Variants in COL9A1 observed in about 807,000 individuals in gnomAD.
COL9A1 encodes collagen alpha-1(IX) chain.
COL9A1 carries 104 observed loss-of-function variants against 142.6 expected under a neutral mutation model. That is an observed-to-expected ratio of 0.73 (90% CI 0.62 to 0.86). COL9A1 has a LOEUF of 0.86. Ranked by LOEUF, COL9A1 falls within the 40% of genes least tolerant of loss-of-function variation. The probability of loss-of-function intolerance (pLI) is 0.00; values close to 1 mark genes in which losing one functional copy is unlikely to be tolerated. For synonymous variants in COL9A1, 466 were observed against 396.0 expected, an observed-to-expected ratio of 1.18 and a Z score of -2.10; for missense variants, 1,210 against 1,176.6, an observed-to-expected ratio of 1.03 and a Z score of -0.42.
chr6:70,265,877 T>C (rs1771978057), intron 18 of COL9A1, among the ~76,000 whole-genome samples: 1 of 152,178 alleles, frequency 6.6e-6, no homozygotes, highest in Non-Finnish European at 1.5e-5. Flanking sequence ...AAGACACTGA[T>C]AAATTGCCTC....
chr6:70,297,107 A>G (rs929120305), intron 4 of COL9A1, among the ~76,000 whole-genome samples: 3 of 152,138 alleles, frequency 2.0e-5, no homozygotes, highest in Admixed American at 1.3e-4. Flanking sequence ...TGTTTCATTC[A>G]ATCTTTCCCA....
intron 18 of COL9A1, 61 bp downstream of exon 18, chr6:70,266,656 T>C (rs1772036445): frequency 7.9e-7 from 1 of 1,271,500 alleles, no homozygotes; most frequent in African/African-American, 1.5e-5. Flanking sequence ...TAATTTCTTA[T>C]AATGAAAGTG....
At chr6:70,218,795 C>T (rs998822529) in intron 37 of COL9A1, among the ~76,000 whole-genome samples, 2 of 152,054 alleles carry the variant, frequency 1.3e-5, no homozygotes, top group African/African-American at 4.8e-5. Flanking sequence ...CTTTACATAA[C>T]ATCTCATTCT....
At chr6:70,270,101 T>A (rs1458797664) in intron 15 of COL9A1, among the ~76,000 whole-genome samples, 1 of 152,226 alleles carries the variant, frequency 6.6e-6, no homozygotes, top group Admixed American at 6.5e-5. Context: ...ATGAGTAAGA[T>A]ATACCCTATA....
intron 10 of COL9A1, chr6:70,280,301 G>A (rs945369470): frequency 3.9e-5 from 48 of 1,223,980 alleles, no homozygotes; most frequent in Non-Finnish European, 4.9e-5. Context: ...CACTTCAAGT[G>A]CATCTTTCTT....
Position 70,300,051 on chromosome 6 carries a change from A to G in COL9A1, c.291T>C (p.Ile97=). The change falls in exon 4 of 38, where the codon ATT becomes ATC. Residue 97 remains isoleucine (I), a synonymous_variant. Coordinates refer to ENST00000357250, the MANE Select transcript of COL9A1 (RefSeq NM_001851.6). ...YKLGNNVDFR[I]PTRNLYPSGL... is the part of the protein sequence containing the mutation. ...TATTTTTGATAGATTACCTAGTTGG[A>G]ATCCTGAAGTCTACATTATTTCCCA... The G allele has an allele frequency of 6.2e-7, 1 of 1,613,810 alleles. No individual in the cohort carries two copies. Among genetic ancestry groups the G allele is most frequent in the Non-Finnish European group, 8.5e-7 (1 of 1,179,756 alleles).
At chr6:70,253,493 C>T (rs1414569407) in intron 25 of COL9A1, 64 bp from the exon 26 acceptor site, 31 of 1,137,416 alleles carry the variant, frequency 2.7e-5, no homozygotes, top group Non-Finnish European at 4.0e-5. Context: ...AGATGCCAAG[C>T]CCACTGCACA....
intron 5 of COL9A1, among the ~76,000 whole-genome samples, chr6:70,289,892 A>G (rs565475528): frequency 6.6e-6 from 1 of 152,172 alleles, no homozygotes; most frequent in Non-Finnish European, 1.5e-5. Flanking sequence ...TTGTTTTTAC[A>G]TTTGGAAGTT....
intron 10 of COL9A1, 71 bp downstream of exon 10, chr6:70,280,741 A>AC (rs775996503): frequency 5.7e-5 from 79 of 1,385,070 alleles, no homozygotes; most frequent in Non-Finnish European, 7.6e-5. Flanking sequence ...CTCCCCCCCC[A>AC]CAAAACACAC....
At chr6:70,241,511 A>T in intron 30 of COL9A1, 57 bp from the exon 31 acceptor site, 1 of 1,456,282 alleles carries the variant, frequency 6.9e-7, no homozygotes, top group Non-Finnish European at 9.6e-7. Flanking sequence ...ATATAATTTC[A>T]AGTGAACCTT....
chr6:70,294,528 G>C lies in COL9A1; in HGVS notation c.335C>G (p.Ser112Cys), dbSNP rs1773781375. The stretch of plus-strand genomic sequence containing the variant: ...AGTCATTCGAAACGTCGTCAAGAAG[G>C]AGTATTCTTCAGGCAGTCCACTGGG... The part of the protein sequence containing the change: ...LYPSGLPEEY[S>C]FLTTFRMTGS... The change falls in exon 5 of 38, where the codon TCC becomes TGC. Residue 112 changes from serine (S) to cysteine (C), a missense_variant. Physicochemically the swap from Ser to Cys is moderately radical, Grantham distance 112. Transcript: ENST00000357250. The C allele has an allele frequency of 3.1e-6, 5 of 1,613,990 alleles. No homozygotes were observed. The highest frequency in any genetic ancestry group is 4.5e-5 in the East Asian group (2 of 44,866).
intron 29 of COL9A1, 132 bp downstream of exon 29, chr6:70,242,529 AT>A (rs1770328487): frequency 1.2e-6 from 1 of 836,630 alleles, no homozygotes; most frequent in Non-Finnish European, 2.0e-6. Context: ...TCCCCTTTAC[AT>A]TGTTCTCATA....
intron 19 of COL9A1, chr6:70,260,940 T>G: frequency 2.2e-6 from 1 of 452,724 alleles, no homozygotes; most frequent in South Asian, 3.2e-5. Flanking sequence ...AAACTGGAGT[T>G]GACAAAATCA....
intron 2 of COL9A1, among the ~76,000 whole-genome samples, chr6:70,301,570 T>A (rs958804879): frequency 1.3e-5 from 2 of 151,886 alleles, no homozygotes; most frequent in Non-Finnish European, 2.9e-5. Flanking sequence ...GAGTGAGACT[T>A]CATCTCAAAA....
chr6:70,273,464 A>G (rs775157295), intron 12 of COL9A1, among the ~76,000 whole-genome samples: 21 of 152,216 alleles, frequency 1.4e-4, no homozygotes, highest in Non-Finnish European at 2.9e-4. Flanking sequence ...AGGAAAAAAG[A>G]AGAAAAAATA....
chr6:70,237,419 T>C (rs1339649810), intron 33 of COL9A1, among the ~76,000 whole-genome samples: 1 of 152,192 alleles, frequency 6.6e-6, no homozygotes. Flanking sequence ...ATGAAGAAAG[T>C]GTAAGTCTTT....
chr6:70,269,002 AC>A, intron 16 of COL9A1, 142 bp from the exon 17 acceptor site: 1 of 676,108 alleles, frequency 1.5e-6, no homozygotes, highest in Non-Finnish European at 2.6e-6. Context: ...AATTCTAAAC[AC>A]CCCTTTCCTT....
Position 70,216,851 on chromosome 6 carries a change from T to C in COL9A1, c.*46A>G, listed in dbSNP as rs750975498. 2.1e-5 allele frequency: 33 copies of C among 1,606,682 alleles called. 1 individual carries two copies. The highest frequency in any genetic ancestry group is 4.0e-4 in the Middle Eastern group (2 of 5,036). ...GGATGGTGTTTCTCACCCAGGCTCCTTCACCAGGCGTGGTTCATGCAGACA... is the reference window on the plus strand; with the variant it reads ...GGATGGTGTTTCTCACCCAGGCTCCCTCACCAGGCGTGGTTCATGCAGACA... On this transcript the variant is annotated 3_prime_UTR_variant, in exon 38 of 38. Transcript: ENST00000357250.
At position 70,234,257 on chromosome 6, in the gene COL9A1, T is replaced by TGTGTGTGC. The variant is rs1032032453; in HGVS notation, c.2314+281_2314+282insGCACACAC. On this transcript the variant is annotated intron_variant, in intron 35 of 37. Coordinates refer to ENST00000357250, the MANE Select transcript of COL9A1 (RefSeq NM_001851.6). ...AAAAGTGTGTGTGTGTGTGTGTGTG[T>TGTGTGTGC]GCACTTTGTTATAAATTAGCCCCCA... 3.8e-3 allele frequency among the ~76,000 whole-genome samples: 557 copies of TGTGTGTGC among 146,056 alleles called. 5 individuals carry two copies. Among genetic ancestry groups the TGTGTGTGC allele is most frequent in the African/African-American group, 0.011 (442 of 40,850 alleles).
Sources: gnomAD v4.1 joint callset for allele counts (sites outside exome capture counted in the v4.1 genomes callset) on GRCh38, gnomAD v4.1.1 for gene constraint, MANE v1.5 for transcripts, NCBI Gene and HGNC (gene_info 2026-07-23, HGNC 2026-07-21) for gene names.